PSD3: variants seen among roughly 807,000 people sequenced by gnomAD.
PSD3 encodes PH and SEC7 domain-containing protein 3.
A neutral mutation model predicts 105.5 loss-of-function variants in PSD3; 49 were observed. That is an observed-to-expected ratio of 0.46 (90% CI 0.37 to 0.59). The LOEUF (loss-of-function observed/expected upper bound fraction) is 0.59. Among genes scored for constraint, PSD3 ranks in the 20% least tolerant of loss-of-function variants. PSD3 has a pLI of 0.00. For missense variants in PSD3, 1,561 were observed against 1,263.8 expected (o/e 1.24, Z -3.57); for synonymous variants, 557 against 457.8 (o/e 1.22, Z -2.77).
At chr8:18,668,905 T>C (rs1000217175) in intron 9 of PSD3, among the ~76,000 whole-genome samples, 9 of 152,236 alleles carry the variant, frequency 5.9e-5, no homozygotes, top group African/African-American at 2.2e-4. Context: ...CTTTTCCTTT[T>C]GTTATATCAG....
chr8:18,632,883 A>T, intron 10 of PSD3, 77 bp from the exon 11 acceptor site: 4 of 1,161,556 alleles, frequency 3.4e-6, no homozygotes, highest in Non-Finnish European at 4.8e-6. Flanking sequence ...TATTGTAAAA[A>T]ACTACATTGT....
intron 15 of PSD3, among the ~76,000 whole-genome samples, chr8:18,549,521 T>A (rs1800643290): frequency 6.6e-6 from 1 of 152,184 alleles, no homozygotes; most frequent in Non-Finnish European, 1.5e-5. Context: ...ATTCTCAGAT[T>A]TTATAATCTA....
In PSD3 at chr8:19,010,907, C is replaced by T. The variant is rs566142247; in HGVS notation, c.21+2656G>A. 1.1e-3 allele frequency among the ~76,000 whole-genome samples: 160 copies of T among 151,808 alleles called. 2 individuals are homozygous for T. In the South Asian group the frequency reaches 0.012, roughly 12 times the overall value. On this transcript the variant is annotated intron_variant, in intron 1 of 15. Coordinates refer to ENST00000327040, the MANE Select transcript of PSD3 (RefSeq NM_015310.4). The stretch of plus-strand genomic sequence containing the variant: ...CAAGGACCTCTGTGCTTGGCCCAGA[C>T]GGTCCGGGAAGAACCCCTAAATGGT...
chr8:18,775,919 A>C (rs1808020533), intron 8 of PSD3, among the ~76,000 whole-genome samples: 1 of 152,006 alleles, frequency 6.6e-6, no homozygotes, highest in Non-Finnish European at 1.5e-5. Context: ...CAAAATCTTT[A>C]CTCATCCCAC....
In PSD3 at chr8:18,925,255, C is replaced by A. The variant is rs571084676; in HGVS notation, c.130+10779G>T. Among the ~76,000 whole-genome samples, 142 of 152,174 alleles carry A rather than the reference C, an allele frequency of 9.3e-4. 2 individuals are homozygous for A. The highest frequency in any genetic ancestry group is 3.3e-3 in the African/African-American group (137 of 41,514). ...TTTAAAAATACAAAAGTCAGCCGGG[C>A]ATGGTGGCGTACACCTGTGGTTTCA... On this transcript the variant is annotated intron_variant, in intron 2 of 15. Coordinates refer to ENST00000327040, the MANE Select transcript of PSD3 (RefSeq NM_015310.4).
chr8:18,839,503 G>T (rs902490837), intron 4 of PSD3, among the ~76,000 whole-genome samples: 1 of 152,112 alleles, frequency 6.6e-6, no homozygotes, highest in African/African-American at 2.4e-5. Flanking sequence ...CTTTAAAGGT[G>T]GAGTCTGTTT....
chr8:19,052,920 G>A (rs994231241), intron 1 of PSD3, among the ~76,000 whole-genome samples: 2 of 152,094 alleles, frequency 1.3e-5, no homozygotes, highest in Non-Finnish European at 2.9e-5. Context: ...ACTTGTAGAG[G>A]GCCTGCTTGT....
chr8:18,933,650 T>C (rs1821892683), intron 2 of PSD3, among the ~76,000 whole-genome samples: 1 of 152,094 alleles, frequency 6.6e-6, no homozygotes, highest in Admixed American at 6.5e-5. Context: ...ATATTTTTAG[T>C]AGAGACAGGC....
At chr8:18,633,312 C>G (rs747431795) in intron 10 of PSD3, among the ~76,000 whole-genome samples, 2 of 152,012 alleles carry the variant, frequency 1.3e-5, no homozygotes, top group Non-Finnish European at 2.9e-5. Context: ...CCCCAAATAA[C>G]CAGGCTAGTC....
In PSD3 at chr8:18,814,752, A is replaced by G. The variant is rs554209388; in HGVS notation, c.1635-9854T>C. ...TCAGTGAGCCCCATTTCCGGTGGAC[A>G]AGACAGGAAGAGTGACTCACTTACA... is the stretch of plus-strand genomic sequence containing the variant. On this transcript the variant is annotated intron_variant, in intron 4 of 15. Transcript: ENST00000327040. Among the ~76,000 whole-genome samples the G allele has an allele frequency of 3.9e-5, 6 of 152,302 alleles. No individual in the cohort carries two copies. The East Asian group carries it at 1.2e-3, about 29-fold the overall frequency.
chr8:18,959,040 C>G (rs1253383296), intron 1 of PSD3, among the ~76,000 whole-genome samples: 1 of 151,976 alleles, frequency 6.6e-6, no homozygotes. Flanking sequence ...TCTGCCTCAG[C>G]CTCCCAAGTA....
intron 4 of PSD3, among the ~76,000 whole-genome samples, chr8:18,806,668 G>T (rs1382674461): frequency 6.6e-6 from 1 of 151,614 alleles, no homozygotes; most frequent in Non-Finnish European, 1.5e-5. Flanking sequence ...TTGTTGTTTT[G>T]TTACAACCTT....
intron 8 of PSD3, among the ~76,000 whole-genome samples, chr8:18,766,536 C>T (rs1807016898): frequency 6.6e-6 from 1 of 152,070 alleles, no homozygotes; most frequent in Admixed American, 6.5e-5. Flanking sequence ...TAATGAAAAA[C>T]ATGGGTAAAA....
intron 14 of PSD3, among the ~76,000 whole-genome samples, chr8:18,564,545 C>G (rs1025934421): frequency 5.3e-5 from 8 of 151,380 alleles, no homozygotes; most frequent in African/African-American, 7.3e-5. Flanking sequence ...AGGACAATCA[C>G]TTGAACCTGG....
intron 10 of PSD3, among the ~76,000 whole-genome samples, chr8:18,636,117 C>T (rs1807233154): frequency 6.6e-6 from 1 of 152,096 alleles, no homozygotes; most frequent in Non-Finnish European, 1.5e-5. Flanking sequence ...CCCCTGAAGA[C>T]CTTCCAGTGG....
intron 2 of PSD3, among the ~76,000 whole-genome samples, chr8:18,891,845 C>G (rs1385922991): frequency 6.6e-6 from 1 of 152,210 alleles, no homozygotes; most frequent in Non-Finnish European, 1.5e-5. Context: ...ACCACTCCCT[C>G]TCTTCTGGTA....
At chr8:18,797,773 T>C (rs1252819299) in intron 8 of PSD3, among the ~76,000 whole-genome samples, 1 of 152,160 alleles carries the variant, frequency 6.6e-6, no homozygotes, top group Non-Finnish European at 1.5e-5. Context: ...ATTGCAATAT[T>C]ACTGAATTTT....
intron 9 of PSD3, among the ~76,000 whole-genome samples, chr8:18,713,323 T>C (rs1047760563): frequency 1.8e-4 from 28 of 152,200 alleles, no homozygotes; most frequent in African/African-American, 6.3e-4. Context: ...GGTATTCAAA[T>C]AGGAAGAGAA....
At chr8:18,813,229 C>T (rs1811859664) in intron 4 of PSD3, among the ~76,000 whole-genome samples, 1 of 152,038 alleles carries the variant, frequency 6.6e-6, no homozygotes, top group African/African-American at 2.4e-5. Context: ...TGCCACCAAA[C>T]AAGACAATGA....
Sources: gnomAD v4.1 joint callset for allele counts (sites outside exome capture counted in the v4.1 genomes callset) on GRCh38, gnomAD v4.1.1 for gene constraint, MANE v1.5 for transcripts, NCBI Gene and HGNC (gene_info 2026-07-23, HGNC 2026-07-21) for gene names.